NSD2: variants seen among roughly 807,000 people sequenced by gnomAD.
The protein encoded by NSD2 is nuclear receptor binding SET domain protein 2.
Under a neutral mutation model 139.0 loss-of-function variants are expected in NSD2, and 12 were observed. That is an observed-to-expected ratio of 0.09 (90% CI 0.06 to 0.14). The LOEUF (loss-of-function observed/expected upper bound fraction) is 0.14. NSD2 is among the 10% of genes least tolerant of loss of function. The pLI is 1.00. For missense variants in NSD2, 1,155 were observed against 1,745.0 expected (o/e 0.66, Z 6.02); for synonymous variants, 669 against 648.7 (o/e 1.03, Z -0.48).
At chr4:1,937,055 A>AT (rs547698122) in intron 7 of NSD2, among the ~76,000 whole-genome samples, 1,567 of 144,542 alleles carry the variant, frequency 0.011, 20 homozygotes, top group African/African-American at 0.028. Flanking sequence ...TGGTCACCTA[A>AT]TTTTTTTTTT....
chr4:1,894,591 G>A (rs1168323544), intron 1 of NSD2, among the ~76,000 whole-genome samples: 2 of 151,676 alleles, frequency 1.3e-5, no homozygotes, highest in African/African-American at 4.9e-5. Flanking sequence ...AGGATTGCTT[G>A]GGCCCAGGAG....
intron 3 of NSD2, among the ~76,000 whole-genome samples, chr4:1,907,225 G>A (rs1049470323): frequency 6.6e-6 from 1 of 152,118 alleles, no homozygotes; most frequent in Non-Finnish European, 1.5e-5. Context: ...GCTCGTATTA[G>A]CAATTGTCAT....
At chr4:1,882,543 A>G (rs574537239) in intron 1 of NSD2, among the ~76,000 whole-genome samples, 2 of 152,300 alleles carry the variant, frequency 1.3e-5, no homozygotes, top group East Asian at 1.9e-4. Context: ...GGGCGCCTGT[A>G]GTCCCAGCTA....
chr4:1,884,416 C>T (rs1402197130), intron 1 of NSD2, among the ~76,000 whole-genome samples: 4 of 131,248 alleles, frequency 3.0e-5, no homozygotes, highest in South Asian at 2.5e-4. Flanking sequence ...TTTTTTGAGA[C>T]GGAGTTGTGC....
Position 1,918,210 on chromosome 4 carries a change from G to A in NSD2, c.997G>A (p.Ala333Thr). 1 of 1,613,574 alleles carries A rather than the reference G, an allele frequency of 6.2e-7. No individual in the cohort carries two copies. The highest frequency in any genetic ancestry group is 8.5e-7 in the Non-Finnish European group (1 of 1,179,984). Residue 333 changes from alanine to threonine, a missense_variant, in exon 5 of 22, where the codon GCA (alanine) becomes ACA (threonine). This residue lies in a region of NSD2 where 420 missense variants were observed against 469.0 expected (regional missense o/e 0.90). Coordinates refer to ENST00000508803, the MANE Select transcript of NSD2 (RefSeq NM_001042424.3). ...GGGCATTGTTCAAGCAGAAGAAGCT[G>A]CAAGCATGTCAGTGGAGGAGCGGAA... ...EMGIVQAEEA[A>T]SMSVEERKAK...
chr4:1,952,366 A>G, intron 11 of NSD2, 135 bp downstream of exon 11: 1 of 1,351,188 alleles, frequency 7.4e-7, no homozygotes, highest in South Asian at 1.4e-5. Flanking sequence ...CCCTCTCTGG[A>G]GCTTGTAGCC....
At chr4:1,967,700 C>T (rs1331069534) in intron 18 of NSD2, among the ~76,000 whole-genome samples, 5 of 152,294 alleles carry the variant, frequency 3.3e-5, no homozygotes, top group Admixed American at 2.6e-4. Flanking sequence ...CAGGGAAAGC[C>T]CATCTCTGAC....
In NSD2 at chr4:1,951,222, C is replaced by T. The variant is rs777613380; in HGVS notation, c.2013+19C>T. 6.2e-7 allele frequency: 1 copy of T among 1,613,738 alleles called. No homozygotes were observed. Among genetic ancestry groups the T allele is most frequent in the Admixed American group, 1.7e-5 (1 of 60,026 alleles). On this transcript the variant is annotated intron_variant, in intron 10 of 21. Coordinates refer to ENST00000508803, the MANE Select transcript of NSD2 (RefSeq NM_001042424.3). ...GTGCCAGGTGAGGAGAAGGCAGCATCCGCTATGTCCGTGCTGGTGTCTGAC... is the reference window on the plus strand; with the variant it reads ...GTGCCAGGTGAGGAGAAGGCAGCATTCGCTATGTCCGTGCTGGTGTCTGAC...
intron 9 of NSD2, chr4:1,945,493 C>T: frequency 9.4e-7 from 1 of 1,063,728 alleles, no homozygotes; most frequent in Non-Finnish European, 1.1e-6. Flanking sequence ...GCATCTAGTT[C>T]CAAAACCAAA....
intron 5 of NSD2, among the ~76,000 whole-genome samples, chr4:1,926,577 C>A (rs1720943293): frequency 6.6e-6 from 1 of 151,810 alleles, no homozygotes; most frequent in Non-Finnish European, 1.5e-5. Flanking sequence ...TTCAAGCGAT[C>A]CTCCCCCCTC....
chr4:1,978,002 C>CT (rs1183072262), intron 21 of NSD2, among the ~76,000 whole-genome samples: 1 of 151,670 alleles, frequency 6.6e-6, no homozygotes, highest in South Asian at 2.1e-4. Context: ...TGGCGGGCGC[C>CT]TGTAATCCTG....
intron 5 of NSD2, among the ~76,000 whole-genome samples, chr4:1,922,019 G>A (rs1455172124): frequency 4.6e-5 from 7 of 152,092 alleles, no homozygotes; most frequent in African/African-American, 1.7e-4. Context: ...GTGGTGATGC[G>A]CGCTTGTAAT....
At chr4:1,916,805 G>T in intron 3 of NSD2, 66 bp from the exon 4 acceptor site, 3 of 1,506,416 alleles carry the variant, frequency 2.0e-6, no homozygotes, top group Non-Finnish European at 2.7e-6. Flanking sequence ...CAAAATAGCA[G>T]TAGATTTGAC....
chr4:1,937,852 G>A (rs778566589), intron 7 of NSD2, among the ~76,000 whole-genome samples: 3 of 152,174 alleles, frequency 2.0e-5, no homozygotes, highest in East Asian at 1.9e-4. Context: ...CTTGAGAAAA[G>A]CTTCATGATC....
chr4:1,977,175 G>C (rs941545800), intron 21 of NSD2, among the ~76,000 whole-genome samples: 1 of 152,254 alleles, frequency 6.6e-6, no homozygotes, highest in East Asian at 1.9e-4. Context: ...GCACCAGGAG[G>C]CTCCGCCGGT....
chr4:1,902,304 A>T (rs1352881482), intron 2 of NSD2, among the ~76,000 whole-genome samples: 1 of 152,126 alleles, frequency 6.6e-6, no homozygotes, highest in African/African-American at 2.4e-5. Context: ...GGCTCACAAC[A>T]GCCTTGACCT....
At chr4:1,905,704 C>A (rs1717802881) in intron 3 of NSD2, among the ~76,000 whole-genome samples, 3 of 152,232 alleles carry the variant, frequency 2.0e-5, no homozygotes, top group African/African-American at 7.2e-5. Context: ...TGCCTGAGTC[C>A]TGCCCTGGCC....
chr4:1,907,812 C>T (rs1024405151), intron 3 of NSD2, among the ~76,000 whole-genome samples: 6 of 151,978 alleles, frequency 3.9e-5, no homozygotes, highest in African/African-American at 1.4e-4. Flanking sequence ...GGGGTTTCAC[C>T]ATGTTGGCCA....
At chr4:1,921,662 A>G (rs1720144294) in intron 5 of NSD2, among the ~76,000 whole-genome samples, 2 of 150,940 alleles carry the variant, frequency 1.3e-5, no homozygotes, top group South Asian at 2.1e-4. Context: ...AGCGCCTGTA[A>G]TCCCAGCTAC....
Sources: allele counts gnomAD v4.1 joint callset (sites outside exome capture counted in the v4.1 genomes callset), GRCh38; gene constraint gnomAD v4.1.1; regional missense constraint gnomAD v4.1.1; transcripts MANE v1.5; gene names NCBI Gene and HGNC (gene_info 2026-07-23, HGNC 2026-07-21).